SPIN1: variants seen among roughly 807,000 people sequenced by gnomAD.
SPIN1 encodes the protein spindlin 1.
A neutral mutation model predicts 26.0 loss-of-function variants in SPIN1; 3 were observed. The observed-to-expected ratio is 0.12, with a 90% CI of 0.05 to 0.30. SPIN1 has a LOEUF of 0.30. SPIN1 is among the 10% of genes least tolerant of loss of function. The pLI is 1.00. For synonymous variants in SPIN1, 101 were observed against 116.5 expected (o/e 0.87, Z 0.86); for missense variants, 126 against 333.4 (o/e 0.38, Z 4.84).
At chr9:88,428,212 C>T (rs986024156) in intron 2 of SPIN1, among the ~76,000 whole-genome samples, 5 of 152,086 alleles carry the variant, frequency 3.3e-5, no homozygotes, top group African/African-American at 9.7e-5. Context: ...TTCAGAGGTA[C>T]GTGTTCAGGT....
At chr9:88,466,991 A>G (rs1382193782) in intron 4 of SPIN1, among the ~76,000 whole-genome samples, 1 of 151,716 alleles carries the variant, frequency 6.6e-6, no homozygotes, top group African/African-American at 2.4e-5. Context: ...CCCGCCTTGG[A>G]CTCCCAAAGT....
At chr9:88,444,832 A>T (rs1828212342) in intron 2 of SPIN1, among the ~76,000 whole-genome samples, 1 of 151,612 alleles carries the variant, frequency 6.6e-6, no homozygotes, top group Admixed American at 6.6e-5. Context: ...CTGGGACTAC[A>T]GGTGACCACC....
At chr9:88,397,396 C>G (rs974552922) in intron 1 of SPIN1, among the ~76,000 whole-genome samples, 19 of 151,968 alleles carry the variant, frequency 1.3e-4, no homozygotes, top group Non-Finnish European at 2.4e-4. Flanking sequence ...TGTGGGGCCT[C>G]CTTCATTCTC....
intron 1 of SPIN1, chr9:88,415,542 G>T (rs1015012995): frequency 6.6e-6 from 1 of 151,882 alleles, no homozygotes; most frequent in African/African-American, 2.4e-5. Context: ...CAGCCTCCCA[G>T]TTAGCTGGGA....
intron 2 of SPIN1, among the ~76,000 whole-genome samples, chr9:88,445,774 A>G (rs1213371496): frequency 1.3e-5 from 2 of 151,684 alleles, no homozygotes; most frequent in Admixed American, 1.3e-4. Context: ...CCTGACCTCA[A>G]ATCATCCACC....
chr9:88,412,015 C>CA (rs538756833), intron 1 of SPIN1, among the ~76,000 whole-genome samples: 5,649 of 113,972 alleles, frequency 0.05, 250 homozygotes, highest in African/African-American at 0.14. Flanking sequence ...ACTAAAAATA[C>CA]AAAAAAAAAA....
chr9:88,417,799 GAC>G (rs1827596441), intron 1 of SPIN1, among the ~76,000 whole-genome samples: 1 of 152,168 alleles, frequency 6.6e-6, no homozygotes, highest in South Asian at 2.1e-4. Context: ...ATGTGCTTCT[GAC>G]ACACTAGCTA....
At chr9:88,458,029 G>T in intron 3 of SPIN1, 1 of 965,262 alleles carries the variant, frequency 1.0e-6, no homozygotes, top group South Asian at 4.8e-5. Context: ...TGCTTTGGCT[G>T]GGGGATGAAA....
chr9:88,473,841 A>G (rs1828840041), intron 5 of SPIN1, among the ~76,000 whole-genome samples: 2 of 152,200 alleles, frequency 1.3e-5, no homozygotes, highest in Non-Finnish European at 2.9e-5. Context: ...TTCTTTTGTA[A>G]ACGTGCCACA....
intron 2 of SPIN1, among the ~76,000 whole-genome samples, chr9:88,436,266 T>A (rs1223074407): frequency 6.6e-6 from 1 of 152,182 alleles, no homozygotes. Context: ...AGAAGAATAA[T>A]TTTAGACTAA....
intron 1 of SPIN1, among the ~76,000 whole-genome samples, chr9:88,408,970 T>TG (rs1347386181): frequency 3.0e-5 from 4 of 132,958 alleles, no homozygotes; most frequent in African/African-American, 1.5e-4. Context: ...CCCTTTTGTG[T>TG]TTGTGTGTGT....
chr9:88,410,430 T>C (rs1253582615), intron 1 of SPIN1: 7 of 633,584 alleles, frequency 1.1e-5, no homozygotes, highest in African/African-American at 1.1e-4. Flanking sequence ...ATCTAGGCCC[T>C]GCCACCACTG....
chr9:88,459,427 C>T (rs1828533344), intron 3 of SPIN1, among the ~76,000 whole-genome samples: 1 of 152,110 alleles, frequency 6.6e-6, no homozygotes, highest in African/African-American at 2.4e-5. Context: ...AGTAAAGTTA[C>T]AGACTTTTTG....
At chr9:88,472,087 C>T (rs1305363697) in intron 5 of SPIN1, among the ~76,000 whole-genome samples, 1 of 152,152 alleles carries the variant, frequency 6.6e-6, no homozygotes, top group Non-Finnish European at 1.5e-5. Context: ...GTGTAAGCCA[C>T]TGCACCCCGG....
chr9:88,425,960 CCT>C (rs1203783944), intron 1 of SPIN1, among the ~76,000 whole-genome samples: 3 of 152,148 alleles, frequency 2.0e-5, no homozygotes, highest in Admixed American at 1.3e-4. Context: ...ACCTCACACC[CCT>C]GTCTCCCACC....
chr9:88,464,021 G>A (rs1250016926), intron 4 of SPIN1, among the ~76,000 whole-genome samples: 1 of 152,140 alleles, frequency 6.6e-6, no homozygotes, highest in African/African-American at 2.4e-5. Flanking sequence ...GTGGTTGTTG[G>A]TCCTTTTGTC....
intron 2 of SPIN1, among the ~76,000 whole-genome samples, chr9:88,441,482 A>G (rs1350528177): frequency 6.7e-6 from 1 of 148,864 alleles, no homozygotes; most frequent in African/African-American, 2.5e-5. Context: ...CCAGGCCAGT[A>G]TGCTGTGGCT....
chr9:88,390,792 T>C lies in SPIN1; in HGVS notation c.-159+2254T>C, dbSNP rs566956037. Among the ~76,000 whole-genome samples, 10 of 152,310 alleles carry C rather than the reference T, an allele frequency of 6.6e-5. 2 individuals carry two copies. The South Asian group carries it at 1.9e-3, about 28-fold the overall frequency. ...CAAGTCAGAACAGTCTGGGTTGAAATTGACTCCTTACTGGTCCAAAGCCAC... is the reference window on the plus strand; with the variant it reads ...CAAGTCAGAACAGTCTGGGTTGAAACTGACTCCTTACTGGTCCAAAGCCAC... On this transcript the variant is annotated intron_variant, in intron 1 of 5. Coordinates refer to ENST00000375859, the MANE Select transcript of SPIN1 (RefSeq NM_006717.3).
chr9:88,426,941 T>C (rs1313441659), intron 2 of SPIN1, among the ~76,000 whole-genome samples: 1 of 152,144 alleles, frequency 6.6e-6, no homozygotes, highest in Non-Finnish European at 1.5e-5. Flanking sequence ...AGAGCAACTT[T>C]TAGGAAGAAA....
Sources: gnomAD v4.1 joint callset for allele counts (sites outside exome capture counted in the v4.1 genomes callset) on GRCh38, gnomAD v4.1.1 for gene constraint, MANE v1.5 for transcripts, NCBI Gene and HGNC (gene_info 2026-07-23, HGNC 2026-07-21) for gene names.